CADPS2: variants seen among roughly 807,000 people sequenced by gnomAD.
CADPS2 encodes calcium-dependent secretion activator 2.
A neutral mutation model predicts 172.5 loss-of-function variants in CADPS2; 93 were observed. That is an observed-to-expected ratio of 0.54 (90% confidence interval 0.46 to 0.64). The LOEUF (loss-of-function observed/expected upper bound fraction) is 0.64, where lower values mean the gene tolerates loss of function less well. Ranked by LOEUF, CADPS2 falls within the 30% of genes least tolerant of loss-of-function variation. The probability of loss-of-function intolerance (pLI) is 0.00; values close to 1 mark genes in which losing one functional copy is unlikely to be tolerated. For synonymous variants in CADPS2, 546 were observed against 555.2 expected, an observed-to-expected ratio of 0.98 and a Z score of 0.23; for missense variants, 1,420 against 1,565.9, an observed-to-expected ratio of 0.91 and a Z score of 1.57.
At chr7:122,682,084 CCCTAAGCCAACAGCAAATACT>C (rs1476654202) in intron 2 of CADPS2, among the ~76,000 whole-genome samples, 1 of 152,088 alleles carries the variant, frequency 6.6e-6, no homozygotes, top group Non-Finnish European at 1.5e-5. Context: ...GTTTAAATTT[CCCTAAGCCAACAGCAAATACT>C]CCTTAACCTT....
At chr7:122,744,309 C>T (rs2092627169) in intron 1 of CADPS2, among the ~76,000 whole-genome samples, 1 of 152,178 alleles carries the variant, frequency 6.6e-6, no homozygotes, top group Non-Finnish European at 1.5e-5. Flanking sequence ...CCACCTACCT[C>T]CCAACTTCCT....
chr7:122,714,949 C>T (rs192571792), intron 2 of CADPS2, among the ~76,000 whole-genome samples: 20 of 152,198 alleles, frequency 1.3e-4, no homozygotes, highest in African/African-American at 3.6e-4. Flanking sequence ...ATTGGTTAAA[C>T]GTCATACAGC....
At chr7:122,657,382 C>A (rs1400821636) in intron 3 of CADPS2, among the ~76,000 whole-genome samples, 1 of 152,146 alleles carries the variant, frequency 6.6e-6, no homozygotes, top group African/African-American at 2.4e-5. Context: ...GGCATTGAAT[C>A]TATAAATTAC....
intron 15 of CADPS2, among the ~76,000 whole-genome samples, chr7:122,451,058 T>C (rs958579341): frequency 1.1e-4 from 16 of 151,940 alleles, no homozygotes; most frequent in African/African-American, 3.9e-4. Context: ...TACCTGGTAA[T>C]ACAGAGAGCA....
chr7:122,814,242 A>G (rs1800765261), intron 1 of CADPS2, among the ~76,000 whole-genome samples: 1 of 152,010 alleles, frequency 6.6e-6, no homozygotes, highest in African/African-American at 2.4e-5. Flanking sequence ...TAAAATCTTA[A>G]CAGAAATAAC....
chr7:122,484,899 G>T (rs201529378), intron 11 of CADPS2, among the ~76,000 whole-genome samples: 1 of 142,780 alleles, frequency 7.0e-6, no homozygotes, highest in Non-Finnish European at 1.5e-5. Flanking sequence ...CTCATATCAT[G>T]ACGTGCTCAT....
intron 17 of CADPS2, among the ~76,000 whole-genome samples, chr7:122,436,613 T>G (rs1320090570): frequency 6.6e-6 from 1 of 152,066 alleles, no homozygotes; most frequent in Non-Finnish European, 1.5e-5. Flanking sequence ...TGTTGCTATT[T>G]TTTAAAGAAG....
chr7:122,509,022 G>C (rs946750879), intron 9 of CADPS2, among the ~76,000 whole-genome samples: 2 of 152,184 alleles, frequency 1.3e-5, no homozygotes, highest in East Asian at 3.9e-4. Context: ...TTCTTGATTT[G>C]GCAACAATAT....
chr7:122,519,588 A>G (rs1389952181), intron 8 of CADPS2, among the ~76,000 whole-genome samples: 3 of 152,060 alleles, frequency 2.0e-5, no homozygotes, highest in Non-Finnish European at 4.4e-5. Flanking sequence ...AACGGAGAGC[A>G]CTATTTGCTC....
chr7:122,409,039 G>A (rs1175549927), intron 19 of CADPS2, among the ~76,000 whole-genome samples: 1 of 152,144 alleles, frequency 6.6e-6, no homozygotes, highest in African/African-American at 2.4e-5. Context: ...TGTGAAAACT[G>A]GTTGGGAATG....
In CADPS2 at chr7:122,479,547, G is replaced by A. The variant is rs535958322; in HGVS notation, c.1861+1305C>T. Among the ~76,000 whole-genome samples the A allele has an allele frequency of 3.0e-4, 45 of 152,162 alleles. No individual in the cohort carries two copies. In the South Asian group the frequency reaches 8.7e-3, roughly 29 times the overall value. On this transcript the variant is annotated intron_variant, in intron 12 of 29. Coordinates refer to ENST00000449022, the MANE Select transcript of CADPS2 (RefSeq NM_017954.11). ...GGAGTTTGTTCACACCTTTATTATT[G>A]ACCAAATAACTGCTTAGCTTCTTTT... is the stretch of plus-strand genomic sequence containing the variant.
intron 6 of CADPS2, 50 bp downstream of exon 6, chr7:122,615,131 G>T: frequency 1.8e-6 from 2 of 1,093,372 alleles, no homozygotes; most frequent in Admixed American, 2.2e-5. Flanking sequence ...TCTTTGGGAG[G>T]ATTAAAAAAA....
At chr7:122,696,596 C>T (rs1236448604) in intron 2 of CADPS2, among the ~76,000 whole-genome samples, 2 of 152,144 alleles carry the variant, frequency 1.3e-5, no homozygotes. Context: ...CACAAGATTC[C>T]TCTTCACTAG....
In CADPS2 at chr7:122,342,256, T is replaced by A. The variant is rs556469559; in HGVS notation, c.3612+3318A>T. On this transcript the variant is annotated intron_variant, in intron 28 of 29. Transcript: ENST00000449022. Reference sequence around the variant, plus strand: ...AGATTTTATACGGTAAATGGCTGTGTAGGTTGTACACTGAAAACTCTTGAA... The same window carrying A: ...AGATTTTATACGGTAAATGGCTGTGAAGGTTGTACACTGAAAACTCTTGAA... 3.3e-5 allele frequency among the ~76,000 whole-genome samples: 5 copies of A among 152,304 alleles called. No individual in the cohort carries two copies. The East Asian group carries it at 5.8e-4, about 18-fold the overall frequency.
chr7:122,351,601 G>A (rs889320772), intron 27 of CADPS2, among the ~76,000 whole-genome samples: 3 of 151,890 alleles, frequency 2.0e-5, no homozygotes, highest in African/African-American at 4.8e-5. Flanking sequence ...TGTAACATGT[G>A]TTTTAAGTAG....
intron 11 of CADPS2, among the ~76,000 whole-genome samples, chr7:122,484,624 G>GA (rs2057618633): frequency 6.7e-6 from 1 of 149,150 alleles, no homozygotes; most frequent in African/African-American, 2.5e-5. Context: ...GCACAACTAT[G>GA]AAAAAAATTG....
chr7:122,692,097 G>A lies in CADPS2; in HGVS notation c.454-28528C>T, dbSNP rs562693983. Among the ~76,000 whole-genome samples, 3 of 152,294 alleles carry A rather than the reference G, an allele frequency of 2.0e-5. No homozygotes were observed. In the South Asian group the frequency reaches 6.2e-4, roughly 32 times the overall value. Reference sequence around the variant, plus strand: ...CAGAAAAGGCTTTACACTTCCACCTGACTGCAGCAGGCAATCTGTGAACTG... The same window carrying A: ...CAGAAAAGGCTTTACACTTCCACCTAACTGCAGCAGGCAATCTGTGAACTG... On this transcript the variant is annotated intron_variant, in intron 2 of 29. Transcript: ENST00000449022.
chr7:122,645,479 A>C (rs2078347774), intron 3 of CADPS2, among the ~76,000 whole-genome samples: 1 of 110,168 alleles, frequency 9.1e-6, no homozygotes, highest in African/African-American at 3.1e-5. Flanking sequence ...ATATGTATAT[A>C]TATTTAGCGT....
intron 6 of CADPS2, among the ~76,000 whole-genome samples, chr7:122,605,247 A>G (rs938978525): frequency 3.3e-5 from 5 of 152,096 alleles, no homozygotes; most frequent in African/African-American, 1.2e-4. Context: ...CTAGGACACT[A>G]CTGCACACTA....
Sources: gnomAD v4.1 joint callset for allele counts (sites outside exome capture counted in the v4.1 genomes callset) on GRCh38, gnomAD v4.1.1 for gene constraint, MANE v1.5 for transcripts, NCBI Gene and HGNC (gene_info 2026-07-23, HGNC 2026-07-21) for gene names.